The following PRDM5 variants were observed in gnomAD, a reference collection of about 807,000 sequenced individuals.
PRDM5 encodes PR/SET domain 5, also known as PR domain zinc finger protein 5.
PRDM5 carries 56 observed loss-of-function variants against 81.2 expected under a neutral mutation model. The observed-to-expected ratio is 0.69, with a 90% CI of 0.56 to 0.86. PRDM5 has a LOEUF of 0.86. Ranked by LOEUF, PRDM5 falls within the 40% of genes least tolerant of loss-of-function variation. PRDM5 has a pLI of 0.00. For missense variants in PRDM5, 697 were observed against 770.1 expected, an observed-to-expected ratio of 0.91 and a Z score of 1.12; for synonymous variants, 267 against 256.4, an observed-to-expected ratio of 1.04 and a Z score of -0.39.
chr4:120,839,117 C>T (rs1198914374), intron 3 of PRDM5: 2 of 647,828 alleles, frequency 3.1e-6, no homozygotes, highest in Non-Finnish European at 5.7e-6. Context: ...GGAGTCACAG[C>T]CCTGGCTTGG....
chr4:120,740,402 C>T (rs771903169), intron 14 of PRDM5, among the ~76,000 whole-genome samples: 4 of 152,164 alleles, frequency 2.6e-5, no homozygotes, highest in Non-Finnish European at 4.4e-5. Flanking sequence ...TATTAGCACT[C>T]CTCAGGCACT....
intron 2 of PRDM5, among the ~76,000 whole-genome samples, chr4:120,880,771 A>AT (rs1047014944): frequency 6.6e-6 from 1 of 152,152 alleles, no homozygotes; most frequent in African/African-American, 2.4e-5. Context: ...TTGTCCTTTA[A>AT]TACATTTACA....
intron 2 of PRDM5, among the ~76,000 whole-genome samples, chr4:120,893,001 C>T (rs1468507704): frequency 1.3e-5 from 2 of 152,208 alleles, no homozygotes; most frequent in Non-Finnish European, 2.9e-5. Flanking sequence ...TGCTCCCAGG[C>T]CCCATGACTG....
intron 13 of PRDM5, among the ~76,000 whole-genome samples, chr4:120,766,801 C>A (rs1241285045): frequency 6.6e-6 from 1 of 152,072 alleles, no homozygotes; most frequent in Admixed American, 6.6e-5. Flanking sequence ...TTTCTGAAAC[C>A]CTTTCTATTC....
At chr4:120,843,705 G>GAAGAA (rs921969817) in intron 3 of PRDM5, among the ~76,000 whole-genome samples, 1 of 149,162 alleles carries the variant, frequency 6.7e-6, no homozygotes, top group African/African-American at 2.5e-5. Context: ...AAAAAAAGAA[G>GAAGAA]AAGAAAAGAA....
chr4:120,853,982 A>G (rs1359528316), intron 2 of PRDM5, among the ~76,000 whole-genome samples: 1 of 152,188 alleles, frequency 6.6e-6, no homozygotes, highest in African/African-American at 2.4e-5. Flanking sequence ...CTGCTTACAG[A>G]ATCATCTCCA....
chr4:120,922,397 C>G (rs1725066454), intron 1 of PRDM5, 119 bp downstream of exon 1: 2 of 1,149,836 alleles, frequency 1.7e-6, no homozygotes, highest in Non-Finnish European at 2.2e-6. Context: ...CTGGCCCGGC[C>G]CGGGCGAGGG....
At chr4:120,785,979 C>T (rs1274268346) in intron 10 of PRDM5, among the ~76,000 whole-genome samples, 1 of 152,036 alleles carries the variant, frequency 6.6e-6, no homozygotes, top group Admixed American at 6.6e-5. Flanking sequence ...CCATTCGGCA[C>T]AAATCAGTAA....
chr4:120,831,726 A>G (rs1198947314), intron 3 of PRDM5, among the ~76,000 whole-genome samples: 1 of 152,162 alleles, frequency 6.6e-6, no homozygotes, highest in Non-Finnish European at 1.5e-5. Flanking sequence ...GGTTATGAAA[A>G]AATATGACAG....
At chr4:120,757,851 C>T (rs974870611) in intron 13 of PRDM5, among the ~76,000 whole-genome samples, 1 of 150,640 alleles carries the variant, frequency 6.6e-6, no homozygotes, top group Non-Finnish European at 1.5e-5. Context: ...CCTCCTCTTC[C>T]TCCTCCTCCT....
intron 3 of PRDM5, among the ~76,000 whole-genome samples, chr4:120,851,329 T>G (rs1038735421): frequency 1.3e-5 from 2 of 152,026 alleles, no homozygotes. Flanking sequence ...TTAATAATAG[T>G]AACATTTACA....
intron 4 of PRDM5, among the ~76,000 whole-genome samples, chr4:120,820,686 C>G (rs1755143111): frequency 6.6e-6 from 1 of 152,204 alleles, no homozygotes; most frequent in South Asian, 2.1e-4. Context: ...GCTGCAGGTT[C>G]CCAAAAGATC....
chr4:120,771,775 T>C (rs1483934775), intron 13 of PRDM5, among the ~76,000 whole-genome samples: 2 of 152,102 alleles, frequency 1.3e-5, no homozygotes, highest in Non-Finnish European at 2.9e-5. Flanking sequence ...GAAAATAATA[T>C]AGGAGGTTAT....
chr4:120,710,042 C>T (rs753209650), intron 15 of PRDM5, among the ~76,000 whole-genome samples: 8 of 152,056 alleles, frequency 5.3e-5, no homozygotes, highest in South Asian at 2.1e-4. Flanking sequence ...AACAACTCAA[C>T]GGTATTAAAA....
At chr4:120,873,152 A>T (rs953234326) in intron 2 of PRDM5, among the ~76,000 whole-genome samples, 1 of 151,996 alleles carries the variant, frequency 6.6e-6, no homozygotes, top group African/African-American at 2.4e-5. Flanking sequence ...CAGACATGTG[A>T]CACCATATCT....
chr4:120,743,719 A>C (rs1273631674), intron 14 of PRDM5, among the ~76,000 whole-genome samples: 1 of 106,856 alleles, frequency 9.4e-6, no homozygotes, highest in Non-Finnish European at 1.9e-5. Context: ...CAATTCAACA[A>C]GAAGAGCTAA....
intron 14 of PRDM5, among the ~76,000 whole-genome samples, chr4:120,749,686 C>T (rs538292228): frequency 2.6e-5 from 4 of 152,296 alleles, no homozygotes; most frequent in South Asian, 4.1e-4. Context: ...GCAAAAGCTA[C>T]CAGCTGCTGG....
chr4:120,808,220 T>A (rs941342759), intron 8 of PRDM5, among the ~76,000 whole-genome samples: 1 of 152,080 alleles, frequency 6.6e-6, no homozygotes, highest in South Asian at 2.1e-4. Flanking sequence ...TGCTGATTGG[T>A]CCATTTTACA....
At chr4:120,740,341 A>G (rs1024825178) in intron 14 of PRDM5, among the ~76,000 whole-genome samples, 5 of 152,234 alleles carry the variant, frequency 3.3e-5, no homozygotes, top group African/African-American at 1.2e-4. Context: ...CTTAAAAGTT[A>G]TTAAATTTGT....
Sources: gnomAD v4.1 joint callset for allele counts (sites outside exome capture counted in the v4.1 genomes callset) on GRCh38, gnomAD v4.1.1 for gene constraint, MANE v1.5 for transcripts, NCBI Gene and HGNC (gene_info 2026-07-23, HGNC 2026-07-21) for gene names.